Variants in PLA2R1 observed in about 807,000 individuals in gnomAD.
PLA2R1 encodes secretory phospholipase A2 receptor.
A neutral mutation model predicts 195.9 loss-of-function variants in PLA2R1; 158 were observed. That is an observed-to-expected ratio of 0.81 (90% CI 0.71 to 0.92). The LOEUF is 0.92. Ranked by LOEUF, PLA2R1 falls within the 40% of genes least tolerant of loss-of-function variation. PLA2R1 has a pLI of 0.00. For synonymous variants in PLA2R1, 586 were observed against 598.2 expected (o/e 0.98, Z 0.30); for missense variants, 1,626 against 1,764.6 (o/e 0.92, Z 1.41).
At chr2:159,962,931 T>C (rs1157124569) in intron 20 of PLA2R1, among the ~76,000 whole-genome samples, 2 of 152,084 alleles carry the variant, frequency 1.3e-5, no homozygotes, top group Non-Finnish European at 2.9e-5. Flanking sequence ...ATACCTAATG[T>C]AGGTGACGGG....
intron 3 of PLA2R1, among the ~76,000 whole-genome samples, chr2:160,033,844 T>G (rs1573940461): frequency 6.6e-6 from 1 of 152,196 alleles, no homozygotes; most frequent in African/African-American, 2.4e-5. Context: ...AACTCCAAGG[T>G]GAACTAAGTA....
chr2:159,946,450 T>C (rs777141586), intron 27 of PLA2R1: 7 of 1,003,712 alleles, frequency 7.0e-6, no homozygotes, highest in Middle Eastern at 5.0e-4. Flanking sequence ...CATAACTCTA[T>C]TGTGCTTTTA....
intron 14 of PLA2R1, among the ~76,000 whole-genome samples, chr2:159,978,971 G>A (rs1689760204): frequency 6.6e-6 from 1 of 152,160 alleles, no homozygotes; most frequent in African/African-American, 2.4e-5. Context: ...TTTTAGGCAA[G>A]CCACTTAATC....
chr2:160,017,894 T>C (rs896714829), intron 8 of PLA2R1, among the ~76,000 whole-genome samples: 6 of 152,126 alleles, frequency 3.9e-5, no homozygotes, highest in Admixed American at 3.9e-4. Flanking sequence ...CGCTCCCCCA[T>C]GGAGTCTTCC....
chr2:160,009,017 T>C (rs1573883865), intron 10 of PLA2R1, among the ~76,000 whole-genome samples: 1 of 152,042 alleles, frequency 6.6e-6, no homozygotes, highest in African/African-American at 2.4e-5. Context: ...GCACACCCAA[T>C]AGGATGGCTA....
intron 1 of PLA2R1, among the ~76,000 whole-genome samples, chr2:160,053,078 C>G (rs545120885): frequency 6.6e-6 from 1 of 152,082 alleles, no homozygotes; most frequent in Non-Finnish European, 1.5e-5. Flanking sequence ...AGGCTGGAAG[C>G]GTGAGATTAC....
chr2:160,040,301 C>A (rs1165697943), intron 3 of PLA2R1, among the ~76,000 whole-genome samples: 3 of 151,662 alleles, frequency 2.0e-5, no homozygotes, highest in Non-Finnish European at 4.4e-5. Flanking sequence ...CTGCACCCCA[C>A]CCCCACATTG....
At chr2:159,944,266 T>C (rs1687251964) in intron 28 of PLA2R1, among the ~76,000 whole-genome samples, 1 of 152,210 alleles carries the variant, frequency 6.6e-6, no homozygotes, top group Admixed American at 6.5e-5. Flanking sequence ...TAAAACCTCA[T>C]GTCTGAAGCC....
rs1686890878 is a variant in PLA2R1, at chr2:159,937,521, C to G, written c.*4257G>C. ...GAATTCATTTTTCAGTTCAAATAAGCTTGTTAATACTCATCCTCACAACTC... is the reference window on the plus strand; with the variant it reads ...GAATTCATTTTTCAGTTCAAATAAGGTTGTTAATACTCATCCTCACAACTC... On this transcript the variant is annotated 3_prime_UTR_variant, in exon 30 of 30. Transcript: ENST00000283243. The G allele has an allele frequency of 6.6e-6, 1 of 152,130 alleles. No individual in the cohort carries two copies. The highest frequency in any genetic ancestry group is 2.4e-5 in the African/African-American group (1 of 41,426). 9.4% of individuals were successfully genotyped at this position (152,130 alleles called of 1,614,324 possible).
chr2:160,001,526 T>C (rs111338631), intron 11 of PLA2R1, among the ~76,000 whole-genome samples: 2 of 151,976 alleles, frequency 1.3e-5, no homozygotes, highest in Non-Finnish European at 2.9e-5. Context: ...AATGTGTGAA[T>C]AGAGTTTTAA....
chr2:159,972,389 A>G (rs908129175), intron 17 of PLA2R1, among the ~76,000 whole-genome samples: 1 of 152,226 alleles, frequency 6.6e-6, no homozygotes. Context: ...GGCTTAAAAA[A>G]TGTCATATGA....
At chr2:160,012,017 G>C (rs1692398582) in intron 10 of PLA2R1, among the ~76,000 whole-genome samples, 1 of 152,054 alleles carries the variant, frequency 6.6e-6, no homozygotes, top group African/African-American at 2.4e-5. Flanking sequence ...AACAGAAGCT[G>C]GGTAAGAAGG....
intron 6 of PLA2R1, among the ~76,000 whole-genome samples, chr2:160,025,434 A>T (rs1284872422): frequency 6.6e-6 from 1 of 152,136 alleles, no homozygotes; most frequent in Non-Finnish European, 1.5e-5. Flanking sequence ...GAAATGCACG[A>T]TATTAAAAGA....
chr2:159,953,627 C>T (rs1687901139), intron 23 of PLA2R1, among the ~76,000 whole-genome samples: 1 of 152,138 alleles, frequency 6.6e-6, no homozygotes, highest in Non-Finnish European at 1.5e-5. Flanking sequence ...GGGTGGGAAC[C>T]CATGTGTGGT....
At position 159,933,322 on chromosome 2, in the gene PLA2R1, T is replaced by A. The variant is rs1204369224; in HGVS notation, c.*8456A>T. On this transcript the variant is annotated 3_prime_UTR_variant, in exon 30 of 30. Transcript: ENST00000283243. ...AGGAACATGCAGATTTTCACTTTTT[T>A]AAATCCAGAATTTCAGATTTAGGCA... 1 of 152,226 alleles carries A rather than the reference T, an allele frequency of 6.6e-6. No homozygotes were observed. Among genetic ancestry groups the A allele is most frequent in the Non-Finnish European group, 1.5e-5 (1 of 68,034 alleles). 9.4% of individuals were successfully genotyped at this position (152,226 alleles called of 1,614,324 possible). A position where few individuals can be genotyped will look rare whatever the true frequency, so the allele number is the denominator to read the frequency against.
intron 11 of PLA2R1, among the ~76,000 whole-genome samples, chr2:159,989,931 CTCA>C (rs1303529611): frequency 2.0e-4 from 31 of 152,308 alleles, no homozygotes; most frequent in African/African-American, 7.2e-4. Context: ...AGATATTCGA[CTCA>C]TCTTCATTAG....
chr2:159,944,367 A>G (rs933938795), intron 28 of PLA2R1, among the ~76,000 whole-genome samples: 1 of 152,134 alleles, frequency 6.6e-6, no homozygotes, highest in African/African-American at 2.4e-5. Flanking sequence ...TCCCACCATC[A>G]GTGACTAGAA....
chr2:160,011,999 T>C (rs1692397118), intron 10 of PLA2R1, among the ~76,000 whole-genome samples: 2 of 152,046 alleles, frequency 1.3e-5, no homozygotes, highest in African/African-American at 4.8e-5. Flanking sequence ...TTCCTGTGCA[T>C]TGTTTGGAAC....
intron 9 of PLA2R1, among the ~76,000 whole-genome samples, chr2:160,014,457 A>C (rs1404564328): frequency 6.6e-6 from 1 of 152,158 alleles, no homozygotes; most frequent in Non-Finnish European, 1.5e-5. Context: ...ACAGTATGGT[A>C]AGACATACAT....
Sources: gnomAD v4.1 joint callset for allele counts (sites outside exome capture counted in the v4.1 genomes callset) on GRCh38, gnomAD v4.1.1 for gene constraint, MANE v1.5 for transcripts, NCBI Gene and HGNC (gene_info 2026-07-23, HGNC 2026-07-21) for gene names.